The following SPIN1 variants were observed in gnomAD, a reference collection of about 807,000 sequenced individuals.
SPIN1 encodes the protein spindlin 1.
In SPIN1, 3 loss-of-function variants were observed where a neutral mutation model predicts 26.0. The ratio of observed to expected loss-of-function variants is 0.12; its 90% CI spans 0.05 to 0.30. The LOEUF (loss-of-function observed/expected upper bound fraction) is 0.30. Ranked by LOEUF, SPIN1 falls within the 10% of genes least tolerant of loss-of-function variation. The pLI is 1.00. For synonymous variants in SPIN1, 101 were observed against 116.5 expected (o/e 0.87, Z 0.86); for missense variants, 126 against 333.4 (o/e 0.38, Z 4.84).
intron 2 of SPIN1, among the ~76,000 whole-genome samples, chr9:88,432,913 T>G (rs1042982047): frequency 6.6e-6 from 1 of 152,134 alleles, no homozygotes; most frequent in African/African-American, 2.4e-5. Context: ...CCTCCCCCAT[T>G]TTCTTTTACA....
chr9:88,407,755 A>ATC (rs1164424693), intron 1 of SPIN1, among the ~76,000 whole-genome samples: 11 of 149,496 alleles, frequency 7.4e-5, no homozygotes, highest in African/African-American at 2.8e-4. Flanking sequence ...TATGACTGGA[A>ATC]TCTCTCTCTC....
intron 3 of SPIN1, among the ~76,000 whole-genome samples, chr9:88,458,392 A>G (rs1006859618): frequency 6.6e-6 from 1 of 152,214 alleles, no homozygotes; most frequent in Admixed American, 6.5e-5. Context: ...CCCCGGGTCC[A>G]GTTTGAGGAG....
At chr9:88,437,491 C>G (rs1316924719) in intron 2 of SPIN1, among the ~76,000 whole-genome samples, 1 of 150,106 alleles carries the variant, frequency 6.7e-6, no homozygotes, top group African/African-American at 2.5e-5. Flanking sequence ...GAGTAAGACC[C>G]TGTCTCAAGA....
At chr9:88,391,057 T>C (rs1453934085) in intron 1 of SPIN1, among the ~76,000 whole-genome samples, 1 of 152,192 alleles carries the variant, frequency 6.6e-6, no homozygotes, top group Non-Finnish European at 1.5e-5. Context: ...TTACTTGAAC[T>C]CTTGGGTTGG....
At chr9:88,444,663 T>C (rs1046486825) in intron 2 of SPIN1, among the ~76,000 whole-genome samples, 10 of 151,658 alleles carry the variant, frequency 6.6e-5, no homozygotes, top group Non-Finnish European at 1.3e-4. Context: ...CTCAATTCTT[T>C]GATGATGAAT....
intron 4 of SPIN1, 107 bp downstream of exon 4, chr9:88,462,856 C>A: frequency 7.9e-7 from 1 of 1,268,722 alleles, no homozygotes; most frequent in Non-Finnish European, 1.1e-6. Flanking sequence ...GGAACACAAG[C>A]ACCCTTCTTG....
intron 2 of SPIN1, among the ~76,000 whole-genome samples, chr9:88,441,431 A>ATGTGTG (rs927476863): frequency 1.1e-5 from 1 of 93,306 alleles, no homozygotes; most frequent in African/African-American, 1.3e-4. Context: ...GCGCGCGCCC[A>ATGTGTG]TGTGTGTGTA....
intron 4 of SPIN1, among the ~76,000 whole-genome samples, chr9:88,462,990 T>C (rs1011316376): frequency 6.6e-6 from 1 of 152,190 alleles, no homozygotes. Context: ...TAATTTATAA[T>C]ACGGTTATTT....
chr9:88,432,030 GA>G (rs1051035382), intron 2 of SPIN1, among the ~76,000 whole-genome samples: 1 of 149,776 alleles, frequency 6.7e-6, no homozygotes, highest in Non-Finnish European at 1.5e-5. Context: ...AGACTGTCCA[GA>G]AAAAAAAATA....
intron 2 of SPIN1, among the ~76,000 whole-genome samples, chr9:88,447,864 A>G (rs1253470422): frequency 2.6e-5 from 4 of 152,286 alleles, no homozygotes; most frequent in African/African-American, 7.2e-5. Flanking sequence ...GTCAGGGCCT[A>G]TGCAGGGTTC....
chr9:88,392,791 A>G (rs1292835646), intron 1 of SPIN1, among the ~76,000 whole-genome samples: 1 of 152,184 alleles, frequency 6.6e-6, no homozygotes, highest in Non-Finnish European at 1.5e-5. Flanking sequence ...GGTGTACAGT[A>G]AATGCCCAGT....
intron 2 of SPIN1, among the ~76,000 whole-genome samples, chr9:88,427,419 T>C (rs745447040): frequency 1.3e-4 from 20 of 152,168 alleles, no homozygotes; most frequent in Non-Finnish European, 2.1e-4. Flanking sequence ...ATAATACTCA[T>C]TTAAATATTT....
At chr9:88,431,788 A>C (rs1827877590) in intron 2 of SPIN1, among the ~76,000 whole-genome samples, 1 of 152,128 alleles carries the variant, frequency 6.6e-6, no homozygotes, top group East Asian at 1.9e-4. Context: ...GTGGCTCATA[A>C]ACTATAATCC....
At chr9:88,469,331 T>A (rs1828733019) in intron 5 of SPIN1, among the ~76,000 whole-genome samples, 2 of 152,212 alleles carry the variant, frequency 1.3e-5, no homozygotes, top group South Asian at 4.1e-4. Flanking sequence ...TGTCTGGGAC[T>A]CCTGATTTAG....
chr9:88,409,119 G>A (rs891834625), intron 1 of SPIN1, among the ~76,000 whole-genome samples: 11 of 150,782 alleles, frequency 7.3e-5, no homozygotes, highest in African/African-American at 2.0e-4. Flanking sequence ...ACTTAGCCTC[G>A]GGAGTAGCTG....
intron 2 of SPIN1, among the ~76,000 whole-genome samples, chr9:88,444,868 T>A (rs1304120680): frequency 6.6e-6 from 1 of 151,842 alleles, no homozygotes; most frequent in African/African-American, 2.4e-5. Flanking sequence ...TTTTTTTGTA[T>A]TTTTAGTAGA....
chr9:88,457,982 C>T (rs902558111), intron 3 of SPIN1: 1 of 985,074 alleles, frequency 1.0e-6, no homozygotes, highest in African/African-American at 1.7e-5. Context: ...TTAAGTTTTT[C>T]TTTTACTAAG....
At chr9:88,437,936 G>A (rs1179630278) in intron 2 of SPIN1, among the ~76,000 whole-genome samples, 1 of 152,044 alleles carries the variant, frequency 6.6e-6, no homozygotes, top group Non-Finnish European at 1.5e-5. Flanking sequence ...GAGGGGGGCA[G>A]AGGCCAGGAG....
intron 1 of SPIN1, among the ~76,000 whole-genome samples, chr9:88,400,704 G>T (rs1827167238): frequency 6.6e-6 from 1 of 152,180 alleles, no homozygotes; most frequent in East Asian, 1.9e-4. Flanking sequence ...AAATTAAGCG[G>T]ATATCATGGC....
Sources: gnomAD v4.1 joint callset for allele counts (sites outside exome capture counted in the v4.1 genomes callset) on GRCh38, gnomAD v4.1.1 for gene constraint, MANE v1.5 for transcripts, NCBI Gene and HGNC (gene_info 2026-07-23, HGNC 2026-07-21) for gene names.